The following HSPG2 variants were observed in gnomAD, a reference collection of about 807,000 sequenced individuals.
The protein encoded by HSPG2 is basement membrane-specific heparan sulfate proteoglycan core protein.
A neutral mutation model predicts 526.6 loss-of-function variants in HSPG2; 278 were observed. That is an observed-to-expected ratio of 0.53 (90% CI 0.48 to 0.58). HSPG2 has a LOEUF of 0.58. Among genes scored for constraint, HSPG2 ranks in the 20% least tolerant of loss-of-function variants. The probability of loss-of-function intolerance (pLI) is 0.00; values close to 1 mark genes in which losing one functional copy is unlikely to be tolerated. For missense variants in HSPG2, 5,354 were observed against 6,099.5 expected (o/e 0.88, Z 4.07); for synonymous variants, 2,465 against 2,555.4 (o/e 0.96, Z 1.07).
In HSPG2 at chr1:21,852,193, T is replaced by C; in HGVS notation, c.6765A>G (p.Thr2255=). Residue 2255 remains threonine, a synonymous_variant, in exon 53 of 97, where the codon ACA becomes ACG. Coordinates refer to ENST00000374695, the MANE Select transcript of HSPG2 (RefSeq NM_005529.7). ...GATCCAGGGTCTGGCCCTCGGCCAC[T>C]GTGGAGGATGAAGACTCGATCCTGA... ...PPVRIESSSS[T]VAEGQTLDLS... is the part of the protein sequence containing the mutation. 1 of 1,614,056 alleles carries C rather than the reference T, an allele frequency of 6.2e-7. No individual in the cohort carries two copies. Among genetic ancestry groups the C allele is most frequent in the African/African-American group, 1.3e-5 (1 of 75,058 alleles).
At chr1:21,870,135 G>A (rs1380698643) in intron 33 of HSPG2, 5 of 589,574 alleles carry the variant, frequency 8.5e-6, no homozygotes, top group Non-Finnish European at 1.1e-5. Flanking sequence ...CTTCGCTCAG[G>A]TGCCTGCCTG....
Position 21,876,595 on chromosome 1 carries a change from T to A in HSPG2, c.2743A>T (p.Thr915Ser), listed in dbSNP as rs981624730. The A allele has an allele frequency of 9.9e-6, 16 of 1,614,046 alleles. No homozygotes were observed. In the Admixed American group the frequency reaches 1.3e-4, roughly 13 times the overall value. The change falls in exon 22 of 97, where the codon ACC becomes TCC. Residue 915 changes from threonine to serine, a missense_variant. Coordinates refer to ENST00000374695, the MANE Select transcript of HSPG2 (RefSeq NM_005529.7). ...TTGAGGCAGCCATCGGGGTTTCGGG[T>A]ACTCAGGTGGAAAGAGCCGTCAGCA... is the stretch of plus-strand genomic sequence containing the variant. ...ECADGSFHLS[T>S]RNPDGCLKCF... is the part of the protein sequence containing the mutation.
At chr1:21,934,745 G>A (rs1557845527) in intron 1 of HSPG2, among the ~76,000 whole-genome samples, 1 of 151,774 alleles carries the variant, frequency 6.6e-6, no homozygotes, top group Non-Finnish European at 1.5e-5. Flanking sequence ...ACAGGTACGT[G>A]CCACCATGCC....
intron 1 of HSPG2, among the ~76,000 whole-genome samples, chr1:21,933,914 G>A (rs1644413317): frequency 6.6e-6 from 1 of 152,234 alleles, no homozygotes; most frequent in African/African-American, 2.4e-5. Flanking sequence ...TCAGCTGGCA[G>A]CCTCCCCAGT....
At chr1:21,925,076 T>A (rs1414894998) in intron 1 of HSPG2, among the ~76,000 whole-genome samples, 1 of 152,188 alleles carries the variant, frequency 6.6e-6, no homozygotes, top group Non-Finnish European at 1.5e-5. Context: ...GGAGGTCTGG[T>A]GACGCTGAAG....
Position 21,841,180 on chromosome 1 carries a change from C to T in HSPG2, c.9434G>A (p.Arg3145His), listed in dbSNP as rs746244241. The part of the protein sequence containing the change: ...VSAGEPRSSA[R>H]WTRISSTPAK... The stretch of plus-strand genomic sequence containing the variant: ...AGGGGTGCTGCTGATCCGGGTCCAA[C>T]GAGCAGAGGAGCGGGGCTCCCCGGC... Residue 3145 changes from arginine (R) to histidine (H), a missense_variant, in exon 71 of 97, where the codon CGT (arginine) becomes CAT (histidine). Physicochemically the swap from Arg to His is conservative, Grantham distance 29. Coordinates refer to ENST00000374695, the MANE Select transcript of HSPG2 (RefSeq NM_005529.7). 19 of 1,613,708 alleles carry T rather than the reference C, an allele frequency of 1.2e-5. No homozygotes were observed. Among genetic ancestry groups the T allele is most frequent in the African/African-American group, 5.3e-5 (4 of 74,936 alleles).
chr1:21,902,150 G>T (rs896769265), intron 1 of HSPG2, among the ~76,000 whole-genome samples: 5 of 152,212 alleles, frequency 3.3e-5, no homozygotes, highest in African/African-American at 1.2e-4. Flanking sequence ...AACTGCCAGG[G>T]GCTCAGAGCC....
chr1:21,842,702 G>T, intron 67 of HSPG2, 68 bp downstream of exon 67: 1 of 1,597,330 alleles, frequency 6.3e-7, no homozygotes, highest in Non-Finnish European at 8.6e-7. Flanking sequence ...CATGAGGTTT[G>T]GGTACAGAAA....
Position 21,855,684 on chromosome 1 carries a change from T to C in HSPG2, c.5702-9A>G. The C allele has an allele frequency of 1.3e-6, 2 of 1,580,184 alleles. No individual in the cohort carries two copies. Among genetic ancestry groups the C allele is most frequent in the Non-Finnish European group, 1.7e-6 (2 of 1,165,550 alleles). ...CTGGCCGCCGGGGCCCCCTGACGAG[T>C]AGACGTGGGGTCAGCACCCACCAAG... On this transcript the variant is annotated splice_polypyrimidine_tract_variant and intron_variant, in intron 45 of 96. Transcript: ENST00000374695.
intron 1 of HSPG2, among the ~76,000 whole-genome samples, chr1:21,910,686 C>A (rs1038921006): frequency 4.6e-5 from 7 of 152,136 alleles, no homozygotes; most frequent in African/African-American, 1.4e-4. Flanking sequence ...CTGACTGATA[C>A]AAATATTTAA....
In HSPG2 at chr1:21,847,453, C is replaced by T. The variant is rs374344231; in HGVS notation, c.8065G>A (p.Ala2689Thr). The T allele has an allele frequency of 6.2e-6, 10 of 1,613,828 alleles. No individual in the cohort carries two copies. The African/African-American group carries it at 1.3e-4, about 22-fold the overall frequency. ...CGGCACACATACTCGCCCGAGTCAGCCACAGACATTTGGTGCAACCGCAGG... is the reference window on the plus strand; with the variant it reads ...CGGCACACATACTCGCCCGAGTCAGTCACAGACATTTGGTGCAACCGCAGG... ...SHLRLHQMSV[A>T]DSGEYVCRAN... is the part of the protein sequence containing the mutation. Residue 2689 changes from alanine to threonine, a missense_variant, in exon 62 of 97, where the codon GCT (alanine) becomes ACT (threonine). Physicochemically the swap from Ala to Thr is moderately conservative, Grantham distance 58 (BLOSUM62 0). Coordinates refer to ENST00000374695, the MANE Select transcript of HSPG2 (RefSeq NM_005529.7). The surrounding 1 kb of genome is among the most constrained non-coding windows in gnomAD (Gnocchi z 4.1).
In HSPG2 at chr1:21,841,585, G is replaced by T; in HGVS notation, c.9282C>A (p.Ser3094=). The change falls in exon 70 of 97, where the codon TCC becomes TCA. Residue 3094 remains serine, a synonymous_variant. Transcript: ENST00000374695. ...SNHGTYRCVA[S]NAYGVAQSVV... is the part of the protein sequence containing the mutation. ...CACTCTGGGCCACACCGTAGGCATT[G>T]GAGGCCACGCAGCGGTAGGTACCGT... The T allele has an allele frequency of 6.2e-7, 1 of 1,614,270 alleles. No individual in the cohort carries two copies. The highest frequency in any genetic ancestry group is 8.5e-7 in the Non-Finnish European group (1 of 1,180,052).
At chr1:21,917,153 T>G (rs1212022438) in intron 1 of HSPG2, among the ~76,000 whole-genome samples, 1 of 152,038 alleles carries the variant, frequency 6.6e-6, no homozygotes, top group Non-Finnish European at 1.5e-5. Flanking sequence ...GCAGAATGGC[T>G]GGGCGCGGTG....
chr1:21,903,989 G>A (rs1643236954), intron 1 of HSPG2, among the ~76,000 whole-genome samples: 1 of 152,198 alleles, frequency 6.6e-6, no homozygotes, highest in Non-Finnish European at 1.5e-5. Flanking sequence ...AAGTAGAATC[G>A]ATCAGATCTG....
rs1331142262 is a variant in HSPG2, at chr1:21,847,800, G to A, written c.7914C>T (p.Ser2638=). 3.7e-6 allele frequency: 6 copies of A among 1,613,890 alleles called. No individual in the cohort carries two copies. The highest frequency in any genetic ancestry group is 5.1e-6 in the Non-Finnish European group (6 of 1,180,022). ...AGGTCTGCCCTTCCACCACCGTGGG[G>A]GAAGACGACTCGATCCTGATCGGTG... The part of the protein sequence containing the change: ...VSPPIRIESS[S]PTVVEGQTLD... The change falls in exon 61 of 97, where the codon TCC becomes TCT. Residue 2638 remains serine (S), a synonymous_variant. Coordinates refer to ENST00000374695, the MANE Select transcript of HSPG2 (RefSeq NM_005529.7). The surrounding 1 kb of genome is among the most constrained non-coding windows in gnomAD (Gnocchi z 4.1).
chr1:21,870,334 A>C, intron 33 of HSPG2: 3 of 981,296 alleles, frequency 3.1e-6, no homozygotes, highest in Non-Finnish European at 3.6e-6. Flanking sequence ...TGGAGGGAGC[A>C]GGCGAGCTAA....
Position 21,862,097 on chromosome 1 carries a change from CG to C in HSPG2, c.4758del (p.Ala1587GlnfsTer31). 1 of 1,613,308 alleles carries C rather than the reference CG, an allele frequency of 6.2e-7. No individual in the cohort carries two copies. The highest frequency in any genetic ancestry group is 1.3e-5 in the African/African-American group (1 of 75,048). The part of the protein sequence containing the change: ...TGACSQCQHN[A>X]AGEFCELCAP... ...GCACAAAGCTCGCAGAACTCCCCTG[CG>C]GCGTTGTGCTGGCATTGCTGCAGGG... On this transcript the variant is annotated frameshift_variant, in exon 38 of 97. Transcript: ENST00000374695. LOFTEE classifies it high-confidence loss of function.
Position 21,859,464 on chromosome 1 carries a change from A to G in HSPG2, c.5293+102T>C. ...GGCTGCTGACCTTGTTCGGGCAACC[A>G]CTGCCCCCTCCCAGCAGGTGAATGC... On this transcript the variant is annotated intron_variant, in intron 42 of 96. Transcript: ENST00000374695. This position sits in a 1 kb window ranked among gnomAD's most constrained non-coding sequence, Gnocchi z 5.3. 2 of 903,940 alleles carry G rather than the reference A, an allele frequency of 2.2e-6. No homozygotes were observed. The highest frequency in any genetic ancestry group is 3.6e-6 in the Non-Finnish European group (2 of 560,458). The allele number at this position is 903,940 out of a possible 1,614,324, so 56.0% of individuals were successfully genotyped here.
chr1:21,887,129 AGGGGC>A lies in HSPG2; in HGVS notation c.1078+81_1078+85del. ...AGGGGGGAAAGCGGAGGGGCAGGGT[AGGGGC>A]GGGGCAGGAGTGGAAGGCGGGGCAG... On this transcript the variant is annotated intron_variant, in intron 9 of 96. Transcript: ENST00000374695. The surrounding 1 kb of genome is among the most constrained non-coding windows in gnomAD (Gnocchi z 5.0). 9.3e-7 allele frequency: 1 copy of A among 1,080,202 alleles called. No individual in the cohort carries two copies. The highest frequency in any genetic ancestry group is 1.2e-6 in the Non-Finnish European group (1 of 816,364). The allele number at this position is 1,080,202 out of a possible 1,614,324, so 66.9% of individuals were successfully genotyped here.
Sources: allele counts gnomAD v4.1 joint callset (sites outside exome capture counted in the v4.1 genomes callset), GRCh38; gene constraint gnomAD v4.1.1; non-coding constraint Gnocchi (gnomAD v3.1); transcripts MANE v1.5; gene names NCBI Gene and HGNC (gene_info 2026-07-23, HGNC 2026-07-21).